Variants in NBEA observed in about 807,000 individuals in gnomAD.
NBEA encodes neurobeachin, also known as lysosomal-trafficking regulator 2.
Under a neutral mutation model 343.4 loss-of-function variants are expected in NBEA, and 44 were observed. That is an observed-to-expected ratio of 0.13 (90% CI 0.10 to 0.16). The LOEUF (loss-of-function observed/expected upper bound fraction) is 0.16. NBEA is among the 10% of genes least tolerant of loss of function. The pLI is 1.00. For synonymous variants in NBEA, 1,175 were observed against 1,238.7 expected (o/e 0.95, Z 1.08); for missense variants, 2,555 against 3,631.3 (o/e 0.70, Z 7.62).
At chr13:35,168,583 T>G (rs2070220764) in intron 24 of NBEA, among the ~76,000 whole-genome samples, 1 of 151,534 alleles carries the variant, frequency 6.6e-6, no homozygotes, top group Non-Finnish European at 1.5e-5. Context: ...TTCATTTCCC[T>G]GAGTCATTTC....
intron 41 of NBEA, among the ~76,000 whole-genome samples, chr13:35,544,765 G>A (rs925368713): frequency 6.6e-6 from 1 of 152,092 alleles, no homozygotes; most frequent in African/African-American, 2.4e-5. Context: ...TAGTTCAGTG[G>A]TCACTTAAGA....
chr13:35,155,928 C>T, intron 19 of NBEA, 73 bp downstream of exon 19: 1 of 1,514,840 alleles, frequency 6.6e-7, no homozygotes, highest in Non-Finnish European at 9.1e-7. Context: ...CAAAACTTTT[C>T]CTAACCCCTT....
intron 38 of NBEA, among the ~76,000 whole-genome samples, chr13:35,353,174 G>A (rs1275388811): frequency 1.3e-5 from 2 of 152,198 alleles, no homozygotes; most frequent in South Asian, 2.1e-4. Flanking sequence ...GATGGCTCAC[G>A]CCTGTAATCC....
At chr13:35,642,030 A>G (rs1157362446) in intron 49 of NBEA, among the ~76,000 whole-genome samples, 1 of 152,204 alleles carries the variant, frequency 6.6e-6, no homozygotes, top group Admixed American at 6.5e-5. Context: ...GTACAAGCAA[A>G]TCTATATTTT....
At chr13:35,157,747 T>G (rs185871427) in intron 21 of NBEA, among the ~76,000 whole-genome samples, 19 of 152,248 alleles carry the variant, frequency 1.2e-4, no homozygotes, top group African/African-American at 4.3e-4. Flanking sequence ...ATTTTAAGTA[T>G]TATTTGATCT....
intron 58 of NBEA, among the ~76,000 whole-genome samples, chr13:35,669,474 A>G (rs2085503825): frequency 6.6e-6 from 1 of 152,226 alleles, no homozygotes; most frequent in Non-Finnish European, 1.5e-5. Flanking sequence ...AGTCATCAGG[A>G]AAAACGCTGT....
At chr13:35,384,453 C>T (rs1193666076) in intron 38 of NBEA, among the ~76,000 whole-genome samples, 4 of 151,008 alleles carry the variant, frequency 2.6e-5, no homozygotes, top group African/African-American at 9.7e-5. Flanking sequence ...TCAAAGCTGT[C>T]TTACTTAGGC....
At chr13:35,394,329 TTCCCTCAC>T (rs1227535556) in intron 38 of NBEA, among the ~76,000 whole-genome samples, 1 of 152,152 alleles carries the variant, frequency 6.6e-6, no homozygotes, top group African/African-American at 2.4e-5. Context: ...CTCTCCTTTC[TTCCCTCAC>T]TCCCTTACTT....
chr13:35,072,111 C>T (rs186653439), intron 10 of NBEA, among the ~76,000 whole-genome samples: 1 of 152,064 alleles, frequency 6.6e-6, no homozygotes, highest in Non-Finnish European at 1.5e-5. Flanking sequence ...TATTTAAATT[C>T]AAAATGTTTT....
intron 51 of NBEA, among the ~76,000 whole-genome samples, chr13:35,647,536 A>C (rs1373321465): frequency 6.6e-6 from 1 of 152,184 alleles, no homozygotes; most frequent in Non-Finnish European, 1.5e-5. Context: ...TCAAGAAATC[A>C]GTAGTCGAAC....
intron 21 of NBEA, 121 bp from the exon 22 acceptor site, chr13:35,158,895 C>G: frequency 1.1e-6 from 1 of 878,332 alleles, no homozygotes; most frequent in Non-Finnish European, 1.7e-6. Context: ...CAAATGCCAG[C>G]TTTGAAGTCT....
chr13:34,963,631 A>G (rs1313707483), intron 1 of NBEA, among the ~76,000 whole-genome samples: 1 of 151,924 alleles, frequency 6.6e-6, no homozygotes, highest in African/African-American at 2.4e-5. Flanking sequence ...TAAAAATGAC[A>G]GTTTTCTATT....
At chr13:35,336,878 T>C (rs1359112352) in intron 36 of NBEA, among the ~76,000 whole-genome samples, 1 of 151,854 alleles carries the variant, frequency 6.6e-6, no homozygotes. Context: ...GGGTAGAAGG[T>C]GGGATAAAGG....
intron 35 of NBEA, among the ~76,000 whole-genome samples, chr13:35,306,074 G>A (rs780648685): frequency 5.3e-4 from 81 of 152,084 alleles, no homozygotes; most frequent in Non-Finnish European, 1.0e-3. Context: ...AGCAGGACAG[G>A]CAGAAAGCAG....
At position 35,091,198 on chromosome 13, in the gene NBEA, C is replaced by G. The variant is rs1038579252; in HGVS notation, c.1572-7099C>G. 6.6e-5 allele frequency among the ~76,000 whole-genome samples: 10 copies of G among 151,948 alleles called. No individual in the cohort carries two copies. In the Admixed American group the frequency reaches 6.6e-4, roughly 10 times the overall value. On this transcript the variant is annotated intron_variant, in intron 10 of 58. Coordinates refer to ENST00000379939, the MANE Select transcript of NBEA (RefSeq NM_001385012.1). ...AGGGTGGGACAAACACCCTTTTCTT[C>G]TTAATCTCTCTGCCTTTCTGCCAGT...
chr13:35,473,443 GAAATA>G (rs970370776), intron 41 of NBEA, among the ~76,000 whole-genome samples: 5 of 152,080 alleles, frequency 3.3e-5, no homozygotes, highest in Admixed American at 2.0e-4. Flanking sequence ...TTTAGATATT[GAAATA>G]AAATGTTATA....
At chr13:35,578,042 C>G (rs1361429232) in intron 45 of NBEA, among the ~76,000 whole-genome samples, 1 of 152,144 alleles carries the variant, frequency 6.6e-6, no homozygotes, top group African/African-American at 2.4e-5. Flanking sequence ...TAAGGATTTT[C>G]AAGCCCTTGA....
intron 34 of NBEA, among the ~76,000 whole-genome samples, chr13:35,284,890 G>A (rs1382123034): frequency 6.6e-6 from 1 of 152,060 alleles, no homozygotes; most frequent in African/African-American, 2.4e-5. Flanking sequence ...TGCAGATAGA[G>A]GTGTATAAGT....
chr13:35,086,780 C>A lies in NBEA; in HGVS notation c.1572-11517C>A, dbSNP rs536523818. Among the ~76,000 whole-genome samples, 21 of 152,014 alleles carry A rather than the reference C, an allele frequency of 1.4e-4. No homozygotes were observed. In the South Asian group the frequency reaches 3.3e-3, roughly 24 times the overall value. ...ATTAATTTACAGTGTGCAAAAGTTC[C>A]ATTTTCTTTAGATCCTCACCAGCAC... On this transcript the variant is annotated intron_variant, in intron 10 of 58. Transcript: ENST00000379939.
Sources: gnomAD v4.1 joint callset for allele counts (sites outside exome capture counted in the v4.1 genomes callset) on GRCh38, gnomAD v4.1.1 for gene constraint, MANE v1.5 for transcripts, NCBI Gene and HGNC (gene_info 2026-07-23, HGNC 2026-07-21) for gene names.